The following ZFYVE26 variants were observed in gnomAD, a reference collection of about 807,000 sequenced individuals.
ZFYVE26 encodes the protein zinc finger FYVE domain-containing protein 26.
A neutral mutation model predicts 276.5 loss-of-function variants in ZFYVE26; 181 were observed. That is an observed-to-expected ratio of 0.65 (90% CI 0.58 to 0.74). The LOEUF is 0.74. Among genes scored for constraint, ZFYVE26 ranks in the 30% least tolerant of loss-of-function variants. ZFYVE26 has a pLI of 0.00. For synonymous variants in ZFYVE26, 1,129 were observed against 1,203.1 expected, an observed-to-expected ratio of 0.94 and a Z score of 1.27; for missense variants, 2,821 against 3,097.9, an observed-to-expected ratio of 0.91 and a Z score of 2.12.
intron 13 of ZFYVE26, among the ~76,000 whole-genome samples, chr14:67,737,803 T>G: frequency 6.6e-6 from 1 of 152,168 alleles, no homozygotes; most frequent in Non-Finnish European, 1.5e-5. Context: ...ACTCAAGTGA[T>G]CCTCCCACCT....
chr14:67,797,751 C>T lies in ZFYVE26; in HGVS notation c.2253G>A (p.Glu751=), dbSNP rs373115983. 39 of 1,613,914 alleles carry T rather than the reference C, an allele frequency of 2.4e-5. 1 individual carries two copies. Among genetic ancestry groups the T allele is most frequent in the Non-Finnish European group, 2.6e-5 (31 of 1,180,030 alleles). ...CAGGCTGGTATCTTCGGGAAGGTTG[C>T]TCCTCTGAAAGAGCAAACCCAATGG... The part of the protein sequence containing the change: ...KVVTSNHRSE[E]QPSRRYQPAT... The change falls in exon 12 of 42, where the codon GAG becomes GAA. Residue 751 remains glutamate, a synonymous_variant. Coordinates refer to ENST00000347230, the MANE Select transcript of ZFYVE26 (RefSeq NM_015346.4).
downstream of ZFYVE26, chr14:67,746,394 T>C (rs1038574534): frequency 2.0e-5 from 3 of 152,304 alleles, no homozygotes; most frequent in Admixed American, 1.3e-4. Flanking sequence ...TTAGTCATTA[T>C]GGGGATTATT....
intron 27 of ZFYVE26, 64 bp downstream of exon 27, chr14:67,774,952 G>T: frequency 1.0e-5 from 11 of 1,097,666 alleles, no homozygotes; most frequent in Non-Finnish European, 1.5e-5. Context: ...AAAAAATTCT[G>T]AAGGATAGAA....
chr14:67,755,240 C>T lies in ZFYVE26; in HGVS notation c.6797G>A (p.Arg2266Gln), dbSNP rs960867883. The change falls in exon 37 of 42, where the codon CGG (arginine) becomes CAG (glutamine). Residue 2266 changes from arginine (R) to glutamine (Q), a missense_variant. Physicochemically the swap from Arg to Gln is conservative, Grantham distance 43. Transcript: ENST00000347230. ...GAACCGAATACAGGTCATGGCGGCC[C>T]GAACTTGGTCCTAGAAGAGGAAAAT... ...ELQQFMKDQV[R>Q]AAMTCIRFFS... 10 of 1,613,982 alleles carry T rather than the reference C, an allele frequency of 6.2e-6. No homozygotes were observed. Among genetic ancestry groups the T allele is most frequent in the East Asian group, 2.2e-5 (1 of 44,876 alleles).
chr14:67,798,118 C>A lies in ZFYVE26; in HGVS notation c.2144G>T (p.Cys715Phe). The A allele has an allele frequency of 6.2e-7, 1 of 1,614,176 alleles. No individual in the cohort carries two copies. Among genetic ancestry groups the A allele is most frequent in the Non-Finnish European group, 8.5e-7 (1 of 1,180,014 alleles). Residue 715 changes from cysteine (C) to phenylalanine (F), a missense_variant, in exon 11 of 42, where the codon TGC becomes TTC. By Grantham distance (205) the Cys-to-Phe change is radical. Coordinates refer to ENST00000347230, the MANE Select transcript of ZFYVE26 (RefSeq NM_015346.4). ...PEKPKQESQSCSGSRDGLQSR... is the reference protein window; with the variant it reads ...PEKPKQESQSFSGSRDGLQSR... ...CTGCAGTCCATCTCTGCTTCCTGAG[C>A]AGCTCTGACTTTCTTGCTTTGGCTT... is the stretch of plus-strand genomic sequence containing the variant.
intron 35 of ZFYVE26, among the ~76,000 whole-genome samples, chr14:67,759,325 G>A (rs73278406): frequency 0.011 from 1,605 of 149,820 alleles, 25 homozygotes; most frequent in African/African-American, 0.038. Context: ...AAGATTCGTG[G>A]AAATAAGACA....
downstream of ZFYVE26, among the ~76,000 whole-genome samples, chr14:67,742,782 G>GTTCCTTCCTTCCTTCCTTCTTCCC (rs1432603793): frequency 3.4e-5 from 5 of 146,426 alleles, no homozygotes; most frequent in East Asian, 7.8e-4. Flanking sequence ...TCAGCACAGA[G>GTTCCTTCCTTCCTTCCTTCTTCCC]TTCCTTCCTT....
At chr14:67,762,112 T>C in intron 34 of ZFYVE26, 91 bp downstream of exon 34, 1 of 1,477,712 alleles carries the variant, frequency 6.8e-7, no homozygotes, top group Non-Finnish European at 9.4e-7. Flanking sequence ...ACTGACACTG[T>C]TAGCTGAATT....
At chr14:67,787,609 A>C (rs1213907613) in intron 16 of ZFYVE26, among the ~76,000 whole-genome samples, 4 of 152,150 alleles carry the variant, frequency 2.6e-5, no homozygotes, top group Admixed American at 2.0e-4. Context: ...ATGCACCCAC[A>C]CACACACACA....
chr14:67,734,733 AT>A (rs1183299387), intron 13 of ZFYVE26, among the ~76,000 whole-genome samples: 1 of 152,174 alleles, frequency 6.6e-6, no homozygotes, highest in Admixed American at 6.5e-5. Context: ...TTACTCCCCC[AT>A]GGCCTAACTG....
At chr14:67,769,923 A>C in intron 28 of ZFYVE26, 193 bp from the exon 29 acceptor site, 1 of 741,278 alleles carries the variant, frequency 1.3e-6, no homozygotes, top group Non-Finnish European at 2.2e-6. Flanking sequence ...CTGTCAGCTG[A>C]TGGGCAAAGG....
chr14:67,786,330 C>T, intron 16 of ZFYVE26, 97 bp from the exon 17 acceptor site: 1 of 1,428,546 alleles, frequency 7.0e-7, no homozygotes, highest in Non-Finnish European at 9.5e-7. Context: ...GAAATTTTAT[C>T]CTCTCCAATA....
chr14:67,803,552 A>G (rs1027843079), intron 9 of ZFYVE26, among the ~76,000 whole-genome samples: 1 of 152,174 alleles, frequency 6.6e-6, no homozygotes, highest in East Asian at 1.9e-4. Context: ...CATGTTGGCC[A>G]GGCTGGTCTT....
At chr14:67,802,415 G>T (rs1284539822) in intron 9 of ZFYVE26, 133 bp from the exon 10 acceptor site, 7 of 885,276 alleles carry the variant, frequency 7.9e-6, no homozygotes, top group Non-Finnish European at 1.3e-5. Flanking sequence ...CTTTCTGTCG[G>T]TCTGATCTGT....
intron 13 of ZFYVE26, chr14:67,735,151 T>C: frequency 1.1e-6 from 1 of 898,694 alleles, no homozygotes. Flanking sequence ...GACATGTTGT[T>C]GGCATTTTCA....
chr14:67,759,022 A>G (rs1302022582), intron 35 of ZFYVE26, among the ~76,000 whole-genome samples: 1 of 151,664 alleles, frequency 6.6e-6, no homozygotes, highest in Non-Finnish European at 1.5e-5. Flanking sequence ...GGCAGATCAC[A>G]AGGTCAGGAG....
At chr14:67,799,005 A>T in intron 10 of ZFYVE26, 1 of 1,141,126 alleles carries the variant, frequency 8.8e-7, no homozygotes, top group Non-Finnish European at 1.3e-6. Flanking sequence ...CTCTGCCCTC[A>T]GATCCTGGGA....
In ZFYVE26 at chr14:67,762,761, G is replaced by A. The variant is rs2038966537; in HGVS notation, c.6070C>T (p.Pro2024Ser). Residue 2024 changes from proline to serine, a missense_variant, in exon 33 of 42, where the codon CCA becomes TCA. Transcript: ENST00000347230. ...GGCTGCAAGATCTGATCCAAAGATG[G>A]CACGTGGCGATAGGCAGCAGCAACT... ...ILVAAAYRHV[P>S]SLDQILQPAA... 6.2e-7 allele frequency: 1 copy of A among 1,614,086 alleles called. No individual in the cohort carries two copies. The highest frequency in any genetic ancestry group is 1.3e-5 in the African/African-American group (1 of 74,936).
chr14:67,807,197 G>A lies in ZFYVE26; in HGVS notation c.886+201C>T, dbSNP rs115478731. On this transcript the variant is annotated intron_variant, in intron 5 of 41. Transcript: ENST00000347230. ...AGCCTCACATGATCCTCCTTGCCTTGGCCTCCCAAAGTACTAGGATTACAG... is the reference window on the plus strand; with the variant it reads ...AGCCTCACATGATCCTCCTTGCCTTAGCCTCCCAAAGTACTAGGATTACAG... Among the ~76,000 whole-genome samples, 3,488 of 152,182 alleles carry A rather than the reference G, an allele frequency of 0.023. 59 individuals carry two copies. The highest frequency in any genetic ancestry group is 0.052 in the East Asian group (270 of 5,162).
Sources: allele counts gnomAD v4.1 joint callset (sites outside exome capture counted in the v4.1 genomes callset), GRCh38; gene constraint gnomAD v4.1.1; transcripts MANE v1.5; gene names NCBI Gene and HGNC (gene_info 2026-07-23, HGNC 2026-07-21).